FAM20A: variants seen among roughly 807,000 people sequenced by gnomAD.
FAM20A encodes the protein FAM20A golgi associated secretory pathway pseudokinase.
FAM20A carries 42 observed loss-of-function variants against 52.0 expected under a neutral mutation model. That is an observed-to-expected ratio of 0.81 (90% confidence interval 0.63 to 1.04). The LOEUF is 1.04. FAM20A is among the 50% of genes least tolerant of loss of function. The pLI is 0.00. For missense variants in FAM20A, 742 were observed against 712.7 expected (o/e 1.04, Z -0.47); for synonymous variants, 304 against 298.9 (o/e 1.02, Z -0.18).
chr17:68,588,142 G>GAA (rs2088210127), intron 1 of FAM20A, among the ~76,000 whole-genome samples: 1 of 151,764 alleles, frequency 6.6e-6, no homozygotes, highest in African/African-American at 2.4e-5. Flanking sequence ...AAAAAAAGGG[G>GAA]GCCCAGAAGA....
chr17:68,537,592 G>A lies in FAM20A; in HGVS notation c.1511C>T (p.Thr504Ile), dbSNP rs146689929. The change falls in exon 11 of 11, where the codon ACC (threonine) becomes ATC (isoleucine). Residue 504 changes from threonine to isoleucine, a missense_variant. By Grantham distance (89) the Thr-to-Ile change is moderately conservative (BLOSUM62 -1). Transcript: ENST00000592554. This position sits in a 1 kb window ranked among gnomAD's most constrained non-coding sequence, Gnocchi z 4.2. ...GCACCCCTCCACTGTCCTTAGGATG[G>A]TTTGGAGCCTTCGATCCAGGGCAAG... ...HLLALDRRLQ[T>I]ILRTVEGCIV... 1,567 of 1,613,700 alleles carry A rather than the reference G, an allele frequency of 9.7e-4. 13 individuals are homozygous for A. The African/African-American group carries it at 0.017, about 18-fold the overall frequency.
chr17:68,560,429 A>G (rs987201707), intron 1 of FAM20A, among the ~76,000 whole-genome samples: 1 of 152,132 alleles, frequency 6.6e-6, no homozygotes, highest in African/African-American at 2.4e-5. Context: ...TGAACCGGAA[A>G]GCAGGTCCTC....
rs1477692465 is a variant in FAM20A at position 68,536,197 on chromosome 17, G to A, written c.*1280C>T. ...CTGCAGAAAGCTTGGAGACATTTCT[G>A]GTTCTTGACCTTGTACTCTCTTTAG... On this transcript the variant is annotated 3_prime_UTR_variant, in exon 11 of 11. Coordinates refer to ENST00000592554, the MANE Select transcript of FAM20A (RefSeq NM_017565.4). The A allele has an allele frequency of 2.2e-6, 1 of 454,062 alleles. No homozygotes were observed. Among genetic ancestry groups the A allele is most frequent in the Admixed American group, 2.3e-5 (1 of 42,576 alleles). 28.1% of individuals were successfully genotyped at this position (454,062 alleles called of 1,614,324 possible). A position where few individuals can be genotyped will look rare whatever the true frequency, so the allele number is the denominator to read the frequency against.
chr17:68,584,748 C>T (rs1462630679), intron 1 of FAM20A, among the ~76,000 whole-genome samples: 1 of 152,182 alleles, frequency 6.6e-6, no homozygotes, highest in Non-Finnish European at 1.5e-5. Flanking sequence ...CTGCAAGCAG[C>T]CTTAACAGAC....
chr17:68,540,042 G>A (rs956818948), intron 8 of FAM20A, 76 bp from the exon 9 acceptor site: 1 of 1,280,516 alleles, frequency 7.8e-7, no homozygotes, highest in Non-Finnish European at 1.1e-6. Context: ...TTCTCTCCAG[G>A]GAACGGAGGC....
At chr17:68,564,622 T>C (rs1389588505) in intron 1 of FAM20A, among the ~76,000 whole-genome samples, 2 of 152,190 alleles carry the variant, frequency 1.3e-5, no homozygotes, top group Non-Finnish European at 2.9e-5. Flanking sequence ...GGTCTCTTGG[T>C]GTGCAGACTA....
chr17:68,552,177 C>T lies in FAM20A; in HGVS notation c.641-226G>A, dbSNP rs909525136. ...TACTTTTTACTTTGGGAGGTGAAGG[C>T]GGGAGGATCGCTTGAGCCCAGGAGT... On this transcript the variant is annotated intron_variant, in intron 3 of 10. Coordinates refer to ENST00000592554, the MANE Select transcript of FAM20A (RefSeq NM_017565.4). Among the ~76,000 whole-genome samples the T allele has an allele frequency of 2.0e-5, 3 of 151,446 alleles. No homozygotes were observed. In the South Asian group the frequency reaches 6.3e-4, roughly 32 times the overall value.
At chr17:68,563,111 C>T (rs537823776) in intron 1 of FAM20A, among the ~76,000 whole-genome samples, 10 of 152,224 alleles carry the variant, frequency 6.6e-5, no homozygotes, top group South Asian at 2.1e-4. Context: ...AACAGCCGGG[C>T]GCAGTGGCTC....
Position 68,535,769 on chromosome 17 carries a change from A to G in FAM20A, c.*1708T>C, listed in dbSNP as rs2143427698. On this transcript the variant is annotated 3_prime_UTR_variant, in exon 11 of 11. Transcript: ENST00000592554. ...CCAAGCGATCTGCCTGTTTAGGCCC[A>G]AAGTGCTGGGATTACAGGTGTGAGC... is the stretch of plus-strand genomic sequence containing the variant. The G allele has an allele frequency of 2.2e-6, 1 of 453,372 alleles. No individual in the cohort carries two copies. Among genetic ancestry groups the G allele is most frequent in the Non-Finnish European group, 4.4e-6 (1 of 226,532 alleles). The allele number at this position is 453,372 out of a possible 1,614,324, so 28.1% of individuals were successfully genotyped here. A position where few individuals can be genotyped will look rare whatever the true frequency, so the allele number is the denominator to read the frequency against.
chr17:68,549,708 C>T (rs1310760092), intron 4 of FAM20A, among the ~76,000 whole-genome samples: 2 of 152,142 alleles, frequency 1.3e-5, no homozygotes, highest in Non-Finnish European at 2.9e-5. Context: ...ATGTGCTCGA[C>T]TAACTGTAAC....
At chr17:68,584,126 G>A (rs766601202) in intron 1 of FAM20A, among the ~76,000 whole-genome samples, 1 of 152,026 alleles carries the variant, frequency 6.6e-6, no homozygotes, top group Non-Finnish European at 1.5e-5. Context: ...AGACTAGCGT[G>A]ACCAACACGG....
At position 68,539,921 on chromosome 17, in the gene FAM20A, TC is replaced by T. The variant is rs1315218764; in HGVS notation, c.1264del (p.Asp422MetfsTer33). 6.2e-7 allele frequency: 1 copy of T among 1,614,096 alleles called. No individual in the cohort carries two copies. Among genetic ancestry groups the T allele is most frequent in the Admixed American group, 1.7e-5 (1 of 60,024 alleles). On this transcript the variant is annotated frameshift_variant, in exon 9 of 11. Transcript: ENST00000592554. LOFTEE classifies it high-confidence loss of function. Reference protein sequence around the residue: ...HHYEMFTKFGDDGFLIHLDNA... With the variant: ...HHYEMFTKFGXDGFLIHLDNA... ...GTCAAGGTGAATAAGGAACCCATCATCCCCGAACTTGGTGAACATCTCATAA... is the reference window on the plus strand; with the variant it reads ...GTCAAGGTGAATAAGGAACCCATCATCCCGAACTTGGTGAACATCTCATAA...
intron 1 of FAM20A, among the ~76,000 whole-genome samples, chr17:68,561,246 GT>G (rs2087203320): frequency 1.3e-5 from 2 of 152,142 alleles, no homozygotes; most frequent in African/African-American, 4.8e-5. Flanking sequence ...CCAAAGCATG[GT>G]TTCCTCTAGT....
intron 1 of FAM20A, among the ~76,000 whole-genome samples, chr17:68,577,320 C>T (rs777307396): frequency 3.9e-5 from 6 of 152,216 alleles, no homozygotes; most frequent in Admixed American, 6.5e-5. Flanking sequence ...AGCTGGACTG[C>T]GGAGCTCCTC....
At chr17:68,551,701 A>ATTATTATTATTG in intron 4 of FAM20A, among the ~76,000 whole-genome samples, 172 bp downstream of exon 4, 1 of 136,534 alleles carries the variant, frequency 7.3e-6, no homozygotes, top group East Asian at 2.0e-4. Flanking sequence ...TATTATTATT[A>ATTATTATTATTG]TTATTATTAT....
intron 8 of FAM20A, among the ~76,000 whole-genome samples, chr17:68,540,269 C>T (rs578173280): frequency 6.6e-6 from 1 of 152,324 alleles, no homozygotes; most frequent in African/African-American, 2.4e-5. Context: ...CTTTTCACCT[C>T]GTGTATGTAT....
At chr17:68,564,083 A>G (rs2087302443) in intron 1 of FAM20A, among the ~76,000 whole-genome samples, 1 of 152,224 alleles carries the variant, frequency 6.6e-6, no homozygotes, top group Non-Finnish European at 1.5e-5. Flanking sequence ...GCCTCTTACC[A>G]GTGGAGCATC....
chr17:68,598,898 G>A (rs1011759120), intron 1 of FAM20A, among the ~76,000 whole-genome samples: 3 of 152,136 alleles, frequency 2.0e-5, no homozygotes, highest in African/African-American at 7.2e-5. Context: ...GGTTCACTAA[G>A]CCAGACTTCC....
intron 1 of FAM20A, chr17:68,558,543 T>C: frequency 5.4e-6 from 1 of 186,502 alleles, no homozygotes; most frequent in Non-Finnish European, 1.2e-5. Flanking sequence ...CCCCGCTCAC[T>C]CTCTTGTGCT....
Sources: gnomAD v4.1 joint callset for allele counts (sites outside exome capture counted in the v4.1 genomes callset) on GRCh38, gnomAD v4.1.1 for gene constraint, Gnocchi (gnomAD v3.1) non-coding constraint, MANE v1.5 for transcripts, NCBI Gene and HGNC (gene_info 2026-07-23, HGNC 2026-07-21) for gene names.